Variants in ARHGEF3 observed in about 807,000 individuals in gnomAD.
ARHGEF3 encodes the protein Rho guanine nucleotide exchange factor 3, also known as 59.8 kDA protein.
A neutral mutation model predicts 63.2 loss-of-function variants in ARHGEF3; 28 were observed. The ratio of observed to expected loss-of-function variants is 0.44; its 90% CI spans 0.33 to 0.61. The LOEUF (loss-of-function observed/expected upper bound fraction) is 0.61, where lower values mean the gene tolerates loss of function less well. Among genes scored for constraint, ARHGEF3 ranks in the 20% least tolerant of loss-of-function variants. The pLI, the probability that ARHGEF3 is intolerant of heterozygous loss-of-function variation, is 0.03. For missense variants in ARHGEF3, 533 were observed against 659.3 expected (o/e 0.81, Z 2.10); for synonymous variants, 266 against 254.2 (o/e 1.05, Z -0.44).
intron 2 of ARHGEF3, among the ~76,000 whole-genome samples, chr3:56,771,400 A>T (rs980591816): frequency 6.6e-6 from 1 of 152,240 alleles, no homozygotes; most frequent in Non-Finnish European, 1.5e-5. Flanking sequence ...ATGGTAACAG[A>T]TCTTAAAGCA....
At chr3:56,766,446 T>A (rs1274176203) in intron 2 of ARHGEF3, among the ~76,000 whole-genome samples, 14 of 152,214 alleles carry the variant, frequency 9.2e-5, no homozygotes, top group Non-Finnish European at 1.9e-4. Flanking sequence ...TTGAAGAAGA[T>A]GGGCAGGGCC....
At chr3:57,036,305 C>A (rs1048049526) in intron 1 of ARHGEF3, among the ~76,000 whole-genome samples, 2 of 152,090 alleles carry the variant, frequency 1.3e-5, no homozygotes, top group African/African-American at 4.8e-5. Context: ...AAAATGACCA[C>A]CTGGACTGGT....
chr3:56,920,948 A>G (rs930772677), intron 3 of ARHGEF3, among the ~76,000 whole-genome samples: 6 of 149,960 alleles, frequency 4.0e-5, no homozygotes, highest in Non-Finnish European at 8.9e-5. Context: ...CCAGCTACTC[A>G]GGAGGCTGAG....
intron 4 of ARHGEF3, among the ~76,000 whole-genome samples, chr3:56,840,908 G>A (rs2108109011): frequency 6.6e-6 from 1 of 152,228 alleles, no homozygotes; most frequent in East Asian, 1.9e-4. Context: ...GATTTACTGA[G>A]ATAGAAAAGG....
chr3:56,810,072 T>C lies in ARHGEF3; in HGVS notation c.193-36256A>G, dbSNP rs2038010723. Among the ~76,000 whole-genome samples the C allele has an allele frequency of 2.6e-5, 4 of 152,166 alleles. No individual in the cohort carries two copies. The South Asian group carries it at 8.3e-4, about 31-fold the overall frequency. On this transcript the variant is annotated intron_variant, in intron 4 of 12. Coordinates refer to the ARHGEF3 transcript ENST00000338458. ...TATTCCCCTCAGACTACAACTAAGGTATTCCTTTATGTGGGTTTCGTATAG... is the reference window on the plus strand; with the variant it reads ...TATTCCCCTCAGACTACAACTAAGGCATTCCTTTATGTGGGTTTCGTATAG...
intron 2 of ARHGEF3, among the ~76,000 whole-genome samples, chr3:56,967,993 TATATA>T (rs1700666564): frequency 2.0e-5 from 1 of 50,346 alleles, no homozygotes; most frequent in African/African-American, 6.9e-5. Context: ...ATATATAAAA[TATATA>T]ATATATATTT....
chr3:56,863,633 C>T (rs1355180385), intron 4 of ARHGEF3, among the ~76,000 whole-genome samples: 5 of 151,880 alleles, frequency 3.3e-5, no homozygotes, highest in Non-Finnish European at 7.4e-5. Context: ...CAGGGTTTCA[C>T]CATGTTGGCC....
At chr3:56,813,230 C>A (rs1000335241) in intron 4 of ARHGEF3, among the ~76,000 whole-genome samples, 3 of 152,272 alleles carry the variant, frequency 2.0e-5, no homozygotes, top group African/African-American at 7.2e-5. Flanking sequence ...ACAGATAGAA[C>A]CACTTTCTTT....
rs903754007 is a variant in ARHGEF3, at chr3:56,728,851, T to C, written c.*419A>G. ...CACAGATGAGTTCCTCATGCCCTAT[T>C]TACAAGGCCGTCTAAATTCCGTGCC... On this transcript the variant is annotated 3_prime_UTR_variant, in exon 10 of 10. Transcript: ENST00000296315. 1.7e-5 allele frequency: 3 copies of C among 179,278 alleles called. No individual in the cohort carries two copies. Among genetic ancestry groups the C allele is most frequent in the African/African-American group, 7.1e-5 (3 of 42,182 alleles). The allele number at this position is 179,278 out of a possible 1,614,324, so 11.1% of individuals were successfully genotyped here.
intron 3 of ARHGEF3, among the ~76,000 whole-genome samples, chr3:56,906,869 T>C (rs928098975): frequency 6.0e-5 from 9 of 149,236 alleles, no homozygotes; most frequent in African/African-American, 2.0e-4. Flanking sequence ...AAGAAAGAAA[T>C]ATACTGAGTT....
At chr3:56,905,996 C>G (rs1467455131) in intron 3 of ARHGEF3, among the ~76,000 whole-genome samples, 2 of 152,130 alleles carry the variant, frequency 1.3e-5, no homozygotes, top group Admixed American at 6.6e-5. Context: ...TCCCGAGTAG[C>G]TGGGATTACA....
chr3:57,070,448 A>G (rs1031346604), intron 1 of ARHGEF3, among the ~76,000 whole-genome samples: 1 of 152,200 alleles, frequency 6.6e-6, no homozygotes, highest in East Asian at 1.9e-4. Context: ...CAGAGTGCCT[A>G]CTCAGCAGAC....
chr3:56,732,501 A>C (rs2033243229), intron 8 of ARHGEF3, 77 bp from the exon 9 acceptor site: 2 of 1,508,780 alleles, frequency 1.3e-6, no homozygotes, highest in South Asian at 2.3e-5. Flanking sequence ...CTGTGGATAA[A>C]GAGGTCCCCA....
intron 7 of ARHGEF3, 72 bp from the exon 8 acceptor site, chr3:56,737,427 A>G: frequency 7.5e-7 from 1 of 1,326,934 alleles, no homozygotes. Flanking sequence ...TTAGGGGCTC[A>G]GCCTAGAAGG....
At chr3:56,967,366 T>A (rs576685594) in intron 2 of ARHGEF3, among the ~76,000 whole-genome samples, 48 of 80,676 alleles carry the variant, frequency 5.9e-4, no homozygotes, top group African/African-American at 2.3e-3. Context: ...AATATTATAT[T>A]ATATATTATA....
chr3:57,041,131 T>C (rs546620961), intron 1 of ARHGEF3, among the ~76,000 whole-genome samples: 2 of 152,294 alleles, frequency 1.3e-5, no homozygotes, highest in South Asian at 2.1e-4. Context: ...AAGCAGAACA[T>C]CTCAAGGTCT....
intron 3 of ARHGEF3, among the ~76,000 whole-genome samples, chr3:56,945,363 C>A (rs1699431371): frequency 6.6e-6 from 1 of 152,118 alleles, no homozygotes; most frequent in African/African-American, 2.4e-5. Context: ...AATTCCCTTT[C>A]CTAGTAAAAG....
chr3:56,932,648 C>T (rs1220287646), intron 3 of ARHGEF3, among the ~76,000 whole-genome samples: 1 of 152,122 alleles, frequency 6.6e-6, no homozygotes, highest in African/African-American at 2.4e-5. Flanking sequence ...GGGATAGATT[C>T]CTAGTCGTGG....
At chr3:56,937,073 G>A (rs570750116) in intron 3 of ARHGEF3, among the ~76,000 whole-genome samples, 1 of 152,318 alleles carries the variant, frequency 6.6e-6, no homozygotes, top group Non-Finnish European at 1.5e-5. Context: ...GACGAGGGGA[G>A]TATCTGAGAA....
Sources: gnomAD v4.1 joint callset for allele counts (sites outside exome capture counted in the v4.1 genomes callset) on GRCh38, gnomAD v4.1.1 for gene constraint, MANE v1.5 for transcripts, NCBI Gene and HGNC (gene_info 2026-07-23, HGNC 2026-07-21) for gene names.